The following SCYL2 variants were observed in gnomAD, a reference collection of about 807,000 sequenced individuals.
SCYL2 encodes SCY1-like protein 2.
In SCYL2, 36 loss-of-function variants were observed where a neutral mutation model predicts 100.4. That is an observed-to-expected ratio of 0.36 (90% CI 0.27 to 0.47). The LOEUF (loss-of-function observed/expected upper bound fraction) is 0.47. Ranked by LOEUF, SCYL2 falls within the 20% of genes least tolerant of loss-of-function variation. The pLI is 1.00. For missense variants in SCYL2, 902 were observed against 1,083.9 expected (o/e 0.83, Z 2.36); for synonymous variants, 330 against 359.2 (o/e 0.92, Z 0.92).
chr12:100,337,641 T>C, intron 17 of SCYL2, 135 bp downstream of exon 17: 2 of 850,364 alleles, frequency 2.4e-6, no homozygotes, highest in Non-Finnish European at 1.8e-6. Context: ...CTAAGAAGTA[T>C]GGGCATAAAT....
At chr12:100,315,848 A>C in intron 9 of SCYL2, 114 bp downstream of exon 9, 1 of 818,284 alleles carries the variant, frequency 1.2e-6, no homozygotes. Context: ...AGTGTATGAG[A>C]CTTTCTTTTC....
chr12:100,294,364 C>T (rs1468328119), intron 3 of SCYL2, among the ~76,000 whole-genome samples: 42 of 106,326 alleles, frequency 4.0e-4, no homozygotes, highest in African/African-American at 1.1e-3. Context: ...CCAGACGGGG[C>T]GGCTGGCCGG....
At chr12:100,328,302 A>G (rs967903285) in intron 12 of SCYL2, among the ~76,000 whole-genome samples, 8 of 152,134 alleles carry the variant, frequency 5.3e-5, no homozygotes, top group Non-Finnish European at 1.0e-4. Flanking sequence ...TTTGAGCAGG[A>G]GTTTGGCATA....
intron 2 of SCYL2, among the ~76,000 whole-genome samples, chr12:100,285,729 C>T (rs1166351241): frequency 6.6e-6 from 1 of 152,124 alleles, no homozygotes; most frequent in Non-Finnish European, 1.5e-5. Flanking sequence ...TTCTAACTGA[C>T]TTAGTCTTTT....
chr12:100,310,101 T>A (rs1316424967), intron 4 of SCYL2, among the ~76,000 whole-genome samples: 1 of 152,032 alleles, frequency 6.6e-6, no homozygotes, highest in African/African-American at 2.4e-5. Context: ...CAGGTTCAAG[T>A]GATTCTTCTG....
At chr12:100,285,855 G>C (rs1322500302) in intron 2 of SCYL2, among the ~76,000 whole-genome samples, 1 of 151,972 alleles carries the variant, frequency 6.6e-6, no homozygotes, top group East Asian at 1.9e-4. Flanking sequence ...TGAGGCAAAT[G>C]CTCTTGGTTG....
At chr12:100,332,497 T>G (rs574389928) in intron 13 of SCYL2, among the ~76,000 whole-genome samples, 3 of 152,246 alleles carry the variant, frequency 2.0e-5, no homozygotes, top group African/African-American at 7.2e-5. Context: ...CATTTAACAA[T>G]ACGGATGAAT....
intron 10 of SCYL2, among the ~76,000 whole-genome samples, chr12:100,320,242 GTTA>G (rs1201705663): frequency 1.2e-4 from 18 of 152,124 alleles, no homozygotes; most frequent in Non-Finnish European, 2.2e-4. Context: ...CATCCCGGCT[GTTA>G]TTAAGTTCCT....
chr12:100,274,039 T>C (rs1430929360), intron 1 of SCYL2, among the ~76,000 whole-genome samples: 21 of 152,232 alleles, frequency 1.4e-4, no homozygotes, highest in Admixed American at 1.4e-3. Flanking sequence ...GTAAATGTTT[T>C]CATAATGCCA....
chr12:100,289,022 G>A (rs2096307585), intron 2 of SCYL2, among the ~76,000 whole-genome samples: 1 of 151,778 alleles, frequency 6.6e-6, no homozygotes, highest in African/African-American at 2.4e-5. Context: ...CATTTAAATT[G>A]GATACATTTA....
chr12:100,276,634 T>G (rs76167922), intron 1 of SCYL2, among the ~76,000 whole-genome samples: 112 of 152,328 alleles, frequency 7.4e-4, no homozygotes, highest in African/African-American at 2.7e-3. Context: ...CATTGCACCT[T>G]GCTAAAATTT....
At chr12:100,270,385 C>T (rs1487521469) in intron 1 of SCYL2, among the ~76,000 whole-genome samples, 1 of 152,118 alleles carries the variant, frequency 6.6e-6, no homozygotes, top group Non-Finnish European at 1.5e-5. Flanking sequence ...TCCCTCTTCT[C>T]TAGCTGGAAG....
chr12:100,310,612 T>A (rs2135898198), intron 4 of SCYL2, among the ~76,000 whole-genome samples: 1 of 152,368 alleles, frequency 6.6e-6, no homozygotes, highest in Non-Finnish European at 1.5e-5. Context: ...TTCAGTTGAA[T>A]ATTTGAAAAC....
At position 100,268,199 on chromosome 12, in the gene SCYL2, A is replaced by G. The variant is rs1316699555; in HGVS notation, c.-29+407A>G. 2.0e-5 allele frequency among the ~76,000 whole-genome samples: 3 copies of G among 152,194 alleles called. No homozygotes were observed. The East Asian group carries it at 5.8e-4, about 29-fold the overall frequency. ...GTGTCAACTATTTTTTAGTACGTCAAACTCAGGAATTATTTGTGATGACAC... is the reference window on the plus strand; with the variant it reads ...GTGTCAACTATTTTTTAGTACGTCAGACTCAGGAATTATTTGTGATGACAC... On this transcript the variant is annotated intron_variant, in intron 1 of 17. Coordinates refer to ENST00000360820, the MANE Select transcript of SCYL2 (RefSeq NM_017988.6).
Position 100,339,030 on chromosome 12 carries a change from G to A in SCYL2, c.2648G>A (p.Gly883Glu). 1 of 1,614,076 alleles carries A rather than the reference G, an allele frequency of 6.2e-7. No individual in the cohort carries two copies. The highest frequency in any genetic ancestry group is 8.5e-7 in the Non-Finnish European group (1 of 1,179,960). Residue 883 changes from glycine to glutamate, a missense_variant, in exon 18 of 18, where the codon GGG becomes GAG. Gly to Glu is a moderately conservative substitution (Grantham distance 98). Coordinates refer to ENST00000360820, the MANE Select transcript of SCYL2 (RefSeq NM_017988.6). ...GSPTMGSSVM[G>E]TQMNVIGQSA... ...CCAACTATGGGCAGTTCAGTAATGGGGACACAGATGAACGTGATAGGACAA... is the reference window on the plus strand; with the variant it reads ...CCAACTATGGGCAGTTCAGTAATGGAGACACAGATGAACGTGATAGGACAA...
At chr12:100,319,704 G>A (rs576936039) in intron 10 of SCYL2, among the ~76,000 whole-genome samples, 1 of 152,204 alleles carries the variant, frequency 6.6e-6, no homozygotes, top group East Asian at 1.9e-4. Flanking sequence ...TGTATTTTTA[G>A]TAGAGACGGG....
chr12:100,288,578 G>A (rs1355037825), intron 2 of SCYL2, among the ~76,000 whole-genome samples: 2 of 152,110 alleles, frequency 1.3e-5, no homozygotes, highest in African/African-American at 4.8e-5. Flanking sequence ...GCTCACACCT[G>A]TAATCTCAAC....
chr12:100,284,869 G>T (rs893647339), intron 2 of SCYL2, among the ~76,000 whole-genome samples: 6 of 152,038 alleles, frequency 3.9e-5, no homozygotes, highest in African/African-American at 1.4e-4. Context: ...GTAATATTTA[G>T]AGAATAAAAA....
chr12:100,291,017 G>T (rs1283677358), intron 2 of SCYL2, among the ~76,000 whole-genome samples: 2 of 152,090 alleles, frequency 1.3e-5, no homozygotes, highest in South Asian at 4.1e-4. Context: ...CAAGATGGGG[G>T]ATAGGAAGGT....
Sources: allele counts gnomAD v4.1 joint callset (sites outside exome capture counted in the v4.1 genomes callset), GRCh38; gene constraint gnomAD v4.1.1; transcripts MANE v1.5; gene names NCBI Gene and HGNC (gene_info 2026-07-23, HGNC 2026-07-21).